Variants in TMEM132D observed in about 807,000 individuals in gnomAD.
The protein encoded by TMEM132D is mature OL transmembrane protein.
A neutral mutation model predicts 62.3 loss-of-function variants in TMEM132D; 21 were observed. That is an observed-to-expected ratio of 0.34 (90% CI 0.24 to 0.49). The LOEUF is 0.49. Among genes scored for constraint, TMEM132D ranks in the 20% least tolerant of loss-of-function variants. The pLI is 0.99. For synonymous variants in TMEM132D, 621 were observed against 575.6 expected (o/e 1.08, Z -1.13); for missense variants, 1,346 against 1,402.8 (o/e 0.96, Z 0.65).
intron 5 of TMEM132D, among the ~76,000 whole-genome samples, chr12:129,123,837 C>T (rs1030264257): frequency 6.6e-6 from 1 of 152,114 alleles, no homozygotes; most frequent in African/African-American, 2.4e-5. Flanking sequence ...CACTGTCTCC[C>T]CTTGAACAGT....
chr12:129,425,406 C>T (rs371208208), intron 3 of TMEM132D, among the ~76,000 whole-genome samples: 3 of 138,950 alleles, frequency 2.2e-5, no homozygotes, highest in Non-Finnish European at 4.9e-5. Flanking sequence ...GATGCTTGCA[C>T]TTTTTTTTTT....
intron 5 of TMEM132D, among the ~76,000 whole-genome samples, chr12:129,189,910 C>G (rs1450441350): frequency 6.6e-6 from 1 of 152,142 alleles, no homozygotes; most frequent in Non-Finnish European, 1.5e-5. Flanking sequence ...GATGGGGAAG[C>G]TATCCTGATT....
At chr12:129,221,265 C>G (rs907933816) in intron 4 of TMEM132D, among the ~76,000 whole-genome samples, 1 of 152,222 alleles carries the variant, frequency 6.6e-6, no homozygotes, top group African/African-American at 2.4e-5. Flanking sequence ...CTCCATTAGC[C>G]TGGTTACCTG....
chr12:129,293,440 A>G (rs1267911590), intron 4 of TMEM132D, among the ~76,000 whole-genome samples: 1 of 152,152 alleles, frequency 6.6e-6, no homozygotes, highest in Non-Finnish European at 1.5e-5. Context: ...AGTTTTGTAG[A>G]AGACAATTTT....
chr12:129,257,696 G>T (rs191199743), intron 4 of TMEM132D, among the ~76,000 whole-genome samples: 1 of 152,300 alleles, frequency 6.6e-6, no homozygotes, highest in African/African-American at 2.4e-5. Context: ...TGCTACCCAT[G>T]CAGATGTAGG....
chr12:129,263,053 G>T (rs890679750), intron 4 of TMEM132D, among the ~76,000 whole-genome samples: 5 of 152,132 alleles, frequency 3.3e-5, no homozygotes, highest in African/African-American at 1.2e-4. Flanking sequence ...ATTTCCCTGA[G>T]CACTTACTCT....
At chr12:129,080,692 T>C (rs1874419428) in intron 7 of TMEM132D, among the ~76,000 whole-genome samples, 1 of 152,224 alleles carries the variant, frequency 6.6e-6, no homozygotes, top group Non-Finnish European at 1.5e-5. Flanking sequence ...GGCTACAATG[T>C]ACACTATTTG....
intron 5 of TMEM132D, among the ~76,000 whole-genome samples, chr12:129,150,535 C>T (rs552172004): frequency 6.6e-6 from 1 of 152,150 alleles, no homozygotes; most frequent in African/African-American, 2.4e-5. Context: ...TTTTACTAGC[C>T]CCATTTCACA....
At chr12:129,896,881 C>T (rs901452896) in intron 1 of TMEM132D, among the ~76,000 whole-genome samples, 1 of 152,052 alleles carries the variant, frequency 6.6e-6, no homozygotes, top group Admixed American at 6.5e-5. Flanking sequence ...TGTTTTTTAC[C>T]TTTATAACTG....
At chr12:129,728,889 C>A (rs1869126169) in intron 1 of TMEM132D, among the ~76,000 whole-genome samples, 1 of 152,194 alleles carries the variant, frequency 6.6e-6, no homozygotes, top group Admixed American at 6.5e-5. Flanking sequence ...GTCCTCATTG[C>A]CCACAGCAGA....
At position 129,368,322 on chromosome 12, in the gene TMEM132D, C is replaced by T. The variant is rs185889154; in HGVS notation, c.1116-30505G>A. ...ACATCATGTATAAATACACCTTACA[C>T]ATATGTCTGTATATCTGTGTGAAAT... On this transcript the variant is annotated intron_variant, in intron 3 of 8. Coordinates refer to ENST00000422113, the MANE Select transcript of TMEM132D (RefSeq NM_133448.3). Among the ~76,000 whole-genome samples the T allele has an allele frequency of 1.9e-3, 284 of 152,232 alleles. 1 individual carries two copies. Among genetic ancestry groups the T allele is most frequent in the Non-Finnish European group, 3.2e-3 (221 of 68,022 alleles).
chr12:129,346,329 T>TTTCTTCTTTATTAG (rs1287226998), intron 3 of TMEM132D, among the ~76,000 whole-genome samples: 1 of 150,842 alleles, frequency 6.6e-6, no homozygotes, highest in Non-Finnish European at 1.5e-5. Context: ...TCTTCTCTCT[T>TTTCTTCTTTATTAG]TTCTTCTTTA....
chr12:129,527,451 T>G (rs765566361), intron 3 of TMEM132D, among the ~76,000 whole-genome samples: 5 of 152,234 alleles, frequency 3.3e-5, no homozygotes, highest in African/African-American at 1.2e-4. Context: ...CTATCTATAA[T>G]GTACCAGCTA....
At chr12:129,150,116 G>A (rs977225527) in intron 5 of TMEM132D, among the ~76,000 whole-genome samples, 7 of 152,240 alleles carry the variant, frequency 4.6e-5, no homozygotes, top group Admixed American at 4.6e-4. Context: ...ACAGGCCAGG[G>A]GCAAGCCCAC....
chr12:129,743,749 T>C (rs1382655489), intron 1 of TMEM132D, among the ~76,000 whole-genome samples: 1 of 152,032 alleles, frequency 6.6e-6, no homozygotes, highest in Non-Finnish European at 1.5e-5. Flanking sequence ...ATTATCAGGG[T>C]AGGCTCAAAT....
chr12:129,721,985 C>T (rs1868850518), intron 1 of TMEM132D, among the ~76,000 whole-genome samples: 1 of 152,130 alleles, frequency 6.6e-6, no homozygotes, highest in Non-Finnish European at 1.5e-5. Context: ...AAATTTTAAT[C>T]CTGCAGCATG....
rs774701219 is a variant in TMEM132D at position 129,893,540 on chromosome 12, G to A, written c.79+9721C>T. 3.3e-5 allele frequency among the ~76,000 whole-genome samples: 5 copies of A among 152,040 alleles called. No individual in the cohort carries two copies. In the East Asian group the frequency reaches 7.7e-4, roughly 24 times the overall value. On this transcript the variant is annotated intron_variant, in intron 1 of 8. Coordinates refer to ENST00000422113, the MANE Select transcript of TMEM132D (RefSeq NM_133448.3). ...AAGACAGACATCTCTGTAGTTAAAA[G>A]AAGTCATCGCTTTTCCAAGTCAAAC...
intron 3 of TMEM132D, among the ~76,000 whole-genome samples, chr12:129,433,961 T>C (rs542115378): frequency 6.6e-6 from 1 of 152,326 alleles, no homozygotes; most frequent in Admixed American, 6.5e-5. Flanking sequence ...TTGATATTTC[T>C]CGCACTGTTA....
At chr12:129,802,888 C>G (rs1045227177) in intron 1 of TMEM132D, among the ~76,000 whole-genome samples, 1 of 151,454 alleles carries the variant, frequency 6.6e-6, no homozygotes, top group African/African-American at 2.4e-5. Flanking sequence ...GGGTTGCAAT[C>G]CTAGTCTCTG....
Sources: allele counts gnomAD v4.1 joint callset (sites outside exome capture counted in the v4.1 genomes callset), GRCh38; gene constraint gnomAD v4.1.1; transcripts MANE v1.5; gene names NCBI Gene and HGNC (gene_info 2026-07-23, HGNC 2026-07-21).